Variants in HSF5 observed in about 807,000 individuals in gnomAD.
HSF5 encodes heat shock factor protein 5.
HSF5 carries 5 observed loss-of-function variants against 50.8 expected under a neutral mutation model. The observed-to-expected ratio is 0.10, with a 90% CI of 0.05 to 0.21. The LOEUF is 0.21. HSF5 is among the 10% of genes least tolerant of loss of function. HSF5 has a pLI of 1.00. For synonymous variants in HSF5, 307 were observed against 307.4 expected, an observed-to-expected ratio of 1.00 and a Z score of 0.02; for missense variants, 564 against 762.6, an observed-to-expected ratio of 0.74 and a Z score of 3.07.
At chr17:58,483,107 G>T (rs1975122924) in intron 1 of HSF5, among the ~76,000 whole-genome samples, 1 of 39,588 alleles carries the variant, frequency 2.5e-5, no homozygotes, top group Admixed American at 2.6e-4. Context: ...TTTCTCCTGG[G>T]ATGCTCGCAG....
At chr17:58,480,398 A>G in intron 1 of HSF5, 131 bp from the exon 2 acceptor site, 1 of 735,810 alleles carries the variant, frequency 1.4e-6, no homozygotes, top group Non-Finnish European at 2.0e-6. Context: ...TAGGTTTGGT[A>G]AAAACAAGTT....
intron 5 of HSF5, among the ~76,000 whole-genome samples, chr17:58,431,184 C>T (rs1313577217): frequency 2.6e-5 from 4 of 152,208 alleles, no homozygotes; most frequent in African/African-American, 4.8e-5. Flanking sequence ...CTCCCAGACA[C>T]GTGGAACTGT....
At chr17:58,428,313 A>G (rs1394226173) in intron 5 of HSF5, among the ~76,000 whole-genome samples, 1 of 152,242 alleles carries the variant, frequency 6.6e-6, no homozygotes. Context: ...AGAAGATATA[A>G]AAATGGCAAA....
chr17:58,434,290 A>G (rs1974398733), intron 5 of HSF5, among the ~76,000 whole-genome samples: 1 of 151,800 alleles, frequency 6.6e-6, no homozygotes, highest in African/African-American at 2.4e-5. Flanking sequence ...AAAAGATAAA[A>G]TGTTAGGCCG....
chr17:58,477,988 G>A (rs1292217539), intron 2 of HSF5, among the ~76,000 whole-genome samples: 1 of 151,640 alleles, frequency 6.6e-6, no homozygotes, highest in Non-Finnish European at 1.5e-5. Context: ...TCTCTTTCTG[G>A]TCTTTTCTGG....
chr17:58,465,130 C>T lies in HSF5; in HGVS notation c.1020+1755G>A, dbSNP rs1182093041. 2.7e-5 allele frequency among the ~76,000 whole-genome samples: 4 copies of T among 147,528 alleles called. No individual in the cohort carries two copies. In the East Asian group the frequency reaches 8.1e-4, roughly 30 times the overall value. The stretch of plus-strand genomic sequence containing the variant: ...ACTACATCCAACTAACCCACCCTTT[C>T]TCTCTCCCTCCCTCCCTCCCTCCCT... On this transcript the variant is annotated intron_variant, in intron 3 of 5. Transcript: ENST00000323777.
At chr17:58,480,547 A>G (rs754703076) in intron 1 of HSF5, among the ~76,000 whole-genome samples, 13 of 152,196 alleles carry the variant, frequency 8.5e-5, no homozygotes, top group Non-Finnish European at 1.5e-4. Context: ...TCAACATTAA[A>G]AGCCTTTTAT....
intron 5 of HSF5, among the ~76,000 whole-genome samples, chr17:58,427,435 A>T (rs1227300792): frequency 2.0e-5 from 3 of 152,200 alleles, no homozygotes; most frequent in African/African-American, 7.2e-5. Flanking sequence ...TGTGATATTG[A>T]GCAACATAAT....
In HSF5 at chr17:58,480,001, T is replaced by C. The variant is rs1975075408; in HGVS notation, c.817A>G (p.Thr273Ala). 5 of 1,614,146 alleles carry C rather than the reference T, an allele frequency of 3.1e-6. No individual in the cohort carries two copies. Among genetic ancestry groups the C allele is most frequent in the South Asian group, 1.1e-5 (1 of 91,072 alleles). ...CCTTGTTGAACATGTACAGATGTGG[T>C]GCTGGGCTGCAGTGTATAGGTAACC... The part of the protein sequence containing the change: ...TEVTYTLQPS[T>A]TSVHVQQGPQ... Residue 273 changes from threonine (T) to alanine (A), a missense_variant, in exon 2 of 6, where the codon ACC (threonine) becomes GCC (alanine). Around this residue, in one of 5 missense-constraint regions of HSF5, gnomAD observed 441 missense variants for 533.6 expected, o/e 0.83. Coordinates refer to ENST00000323777, the MANE Select transcript of HSF5 (RefSeq NM_001080439.3).
At chr17:58,482,348 A>C (rs1409707703) in intron 1 of HSF5, among the ~76,000 whole-genome samples, 1 of 152,142 alleles carries the variant, frequency 6.6e-6, no homozygotes, top group East Asian at 1.9e-4. Flanking sequence ...TTCTAATCCC[A>C]GCACTTTGCG....
At chr17:58,444,447 A>G (rs912075351) in intron 5 of HSF5, among the ~76,000 whole-genome samples, 2 of 152,238 alleles carry the variant, frequency 1.3e-5, no homozygotes, top group African/African-American at 2.4e-5. Context: ...AAGGGTGCCA[A>G]GCCCACTCAC....
chr17:58,480,359 T>A, intron 1 of HSF5, 92 bp from the exon 2 acceptor site: 1 of 1,264,146 alleles, frequency 7.9e-7, no homozygotes, highest in Non-Finnish European at 1.1e-6. Context: ...ACTCTTCACC[T>A]ATCAGCCATT....
At chr17:58,433,953 G>A (rs1974394936) in intron 5 of HSF5, among the ~76,000 whole-genome samples, 2 of 119,958 alleles carry the variant, frequency 1.7e-5, no homozygotes, top group South Asian at 2.8e-4. Context: ...CACTCTTGTC[G>A]CCCAGGCTGA....
At chr17:58,466,664 GCTAGTGGCTA>G (rs1465774482) in intron 3 of HSF5, among the ~76,000 whole-genome samples, 17 of 151,868 alleles carry the variant, frequency 1.1e-4, no homozygotes, top group African/African-American at 4.1e-4. Flanking sequence ...GCCACATGTG[GCTAGTGGCTA>G]CTATATTGAA....
intron 2 of HSF5, among the ~76,000 whole-genome samples, chr17:58,474,736 G>A (rs1193671336): frequency 1.3e-5 from 2 of 152,102 alleles, no homozygotes. Flanking sequence ...CATGAGGATT[G>A]CTTGAAACTT....
At chr17:58,458,326 C>T (rs543984766) in intron 5 of HSF5, among the ~76,000 whole-genome samples, 7 of 152,220 alleles carry the variant, frequency 4.6e-5, no homozygotes, top group South Asian at 2.1e-4. Flanking sequence ...CTTTAAAATG[C>T]GCTCAGGATA....
chr17:58,439,016 G>C (rs913567371), intron 5 of HSF5, among the ~76,000 whole-genome samples: 3 of 151,986 alleles, frequency 2.0e-5, no homozygotes, highest in Non-Finnish European at 2.9e-5. Flanking sequence ...CTACTTCTTT[G>C]GGGGGTTGGG....
At chr17:58,432,947 G>A (rs1003592961) in intron 5 of HSF5, among the ~76,000 whole-genome samples, 16 of 152,188 alleles carry the variant, frequency 1.1e-4, no homozygotes, top group African/African-American at 3.9e-4. Flanking sequence ...TGTGAGAGAA[G>A]GGAGTCAAGG....
At chr17:58,422,456 C>T (rs1051622755) in intron 5 of HSF5, 26 bp from the exon 6 acceptor site, 2 of 1,589,664 alleles carry the variant, frequency 1.3e-6, no homozygotes, top group African/African-American at 1.3e-5. Context: ...AGTTTACTCC[C>T]TCTTAGCCTC....
Sources: allele counts gnomAD v4.1 joint callset (sites outside exome capture counted in the v4.1 genomes callset), GRCh38; gene constraint gnomAD v4.1.1; regional missense constraint gnomAD v4.1.1; transcripts MANE v1.5; gene names NCBI Gene and HGNC (gene_info 2026-07-23, HGNC 2026-07-21).